Variants in CSMD1 observed in about 807,000 individuals in gnomAD.
The protein encoded by CSMD1 is CUB and sushi domain-containing protein 1.
Under a neutral mutation model 417.5 loss-of-function variants are expected in CSMD1, and 213 were observed. The observed-to-expected ratio is 0.51, with a 90% confidence interval of 0.46 to 0.57. The LOEUF (loss-of-function observed/expected upper bound fraction) is 0.57. CSMD1 is among the 20% of genes least tolerant of loss of function. The pLI is 0.00. For missense variants in CSMD1, 6,923 were observed against 4,529.7 expected (o/e 1.53, Z -15.17); for synonymous variants, 2,862 against 1,736.8 (o/e 1.65, Z -16.11).
intron 1 of CSMD1, among the ~76,000 whole-genome samples, chr8:4,865,265 C>T (rs1005790108): frequency 2.6e-5 from 4 of 151,710 alleles, no homozygotes; most frequent in African/African-American, 4.8e-5. Context: ...CTATGTTATT[C>T]ATCCTAAGAA....
chr8:4,912,172 A>G (rs1195470523), intron 1 of CSMD1, among the ~76,000 whole-genome samples: 1 of 151,600 alleles, frequency 6.6e-6, no homozygotes, highest in African/African-American at 2.4e-5. Flanking sequence ...ACGGAAAAGA[A>G]AAAGACAATG....
chr8:3,868,224 C>T (rs993341402), intron 5 of CSMD1, among the ~76,000 whole-genome samples: 16 of 118,794 alleles, frequency 1.3e-4, no homozygotes, highest in Admixed American at 1.2e-3. Context: ...AAACCCAGAA[C>T]GAGGATGGGG....
intron 2 of CSMD1, among the ~76,000 whole-genome samples, chr8:4,477,124 G>T (rs1267825933): frequency 1.3e-5 from 2 of 152,202 alleles, no homozygotes; most frequent in African/African-American, 4.8e-5. Flanking sequence ...TCTCTTAAGA[G>T]TCACAGTTTA....
chr8:3,233,453 T>C (rs1414911655), intron 26 of CSMD1, among the ~76,000 whole-genome samples: 2 of 152,206 alleles, frequency 1.3e-5, no homozygotes, highest in Non-Finnish European at 2.9e-5. Flanking sequence ...AGTATATTTA[T>C]TTTCTTTATA....
intron 53 of CSMD1, 48 bp from the exon 54 acceptor site, chr8:2,998,232 C>T (rs369945296): frequency 3.4e-5 from 54 of 1,577,996 alleles, no homozygotes; most frequent in Non-Finnish European, 4.2e-5. Context: ...AACAGGTCAT[C>T]ACTTTCCCTT....
At chr8:4,493,715 C>G (rs1801839530) in intron 2 of CSMD1, among the ~76,000 whole-genome samples, 1 of 151,928 alleles carries the variant, frequency 6.6e-6, no homozygotes, top group Non-Finnish European at 1.5e-5. Context: ...CTTAAAATAT[C>G]AAAAACAAAA....
chr8:4,571,676 A>G (rs1798900815), intron 2 of CSMD1, among the ~76,000 whole-genome samples: 2 of 152,106 alleles, frequency 1.3e-5, no homozygotes, highest in South Asian at 4.1e-4. Flanking sequence ...CAAGTCCTGA[A>G]TATCTTTGTT....
intron 3 of CSMD1, among the ~76,000 whole-genome samples, chr8:4,263,241 A>G (rs967899719): frequency 2.0e-5 from 3 of 152,114 alleles, no homozygotes; most frequent in African/African-American, 7.2e-5. Context: ...GTAATGATCT[A>G]AAAAAATCTG....
chr8:3,276,603 G>C (rs1056624868), intron 26 of CSMD1, among the ~76,000 whole-genome samples: 6 of 152,204 alleles, frequency 3.9e-5, no homozygotes, highest in African/African-American at 1.4e-4. Context: ...TGGGAATTGT[G>C]GGAGCTACAA....
At chr8:3,821,525 G>A (rs1338681085) in intron 5 of CSMD1, among the ~76,000 whole-genome samples, 2 of 152,212 alleles carry the variant, frequency 1.3e-5, no homozygotes, top group Middle Eastern at 3.4e-3. Context: ...GCTCACGCCT[G>A]TAATCCCAGC....
intron 3 of CSMD1, among the ~76,000 whole-genome samples, chr8:4,368,024 C>T (rs928281809): frequency 4.6e-5 from 7 of 152,068 alleles, no homozygotes; most frequent in African/African-American, 1.7e-4. Context: ...TGGCTGATTG[C>T]TCTGGCTAGA....
At chr8:3,463,165 A>C (rs910888889) in intron 12 of CSMD1, among the ~76,000 whole-genome samples, 2 of 152,148 alleles carry the variant, frequency 1.3e-5, no homozygotes, top group African/African-American at 4.8e-5. Context: ...GAATGAACTA[A>C]CTGTGCACCT....
intron 5 of CSMD1, among the ~76,000 whole-genome samples, chr8:3,878,149 A>T (rs985662232): frequency 1.6e-4 from 24 of 152,010 alleles, no homozygotes; most frequent in Admixed American, 6.6e-5. Context: ...TTGTCTTTGT[A>T]CATTTTTTGC....
chr8:4,768,715 A>C (rs1012813583), intron 1 of CSMD1, among the ~76,000 whole-genome samples: 3 of 152,182 alleles, frequency 2.0e-5, no homozygotes, highest in African/African-American at 7.2e-5. Flanking sequence ...GCACTGGAGC[A>C]CCAAACTCCC....
rs559915887 is a variant in CSMD1, at chr8:4,324,278, C to G, written c.415+95675G>C. 1.4e-4 allele frequency among the ~76,000 whole-genome samples: 22 copies of G among 152,348 alleles called. 1 individual carries two copies. In the South Asian group the frequency reaches 4.4e-3, roughly 30 times the overall value. On this transcript the variant is annotated intron_variant, in intron 3 of 69. Transcript: ENST00000635120. ...AGTTCTGAGACCTTTTCCTCTTCCT[C>G]ATCACTAACTGCGTATTCCATTAAC...
intron 3 of CSMD1, among the ~76,000 whole-genome samples, chr8:4,404,121 C>T (rs1052262400): frequency 1.2e-4 from 19 of 152,152 alleles, no homozygotes; most frequent in African/African-American, 4.1e-4. Flanking sequence ...CAGAATTCCA[C>T]GCGAGTGTTT....
At chr8:3,292,398 CGTT>C (rs1339952531) in intron 25 of CSMD1, among the ~76,000 whole-genome samples, 2 of 152,004 alleles carry the variant, frequency 1.3e-5, no homozygotes, top group Non-Finnish European at 2.9e-5. Flanking sequence ...CTTTCTGTCT[CGTT>C]GATCTGTCTA....
intron 1 of CSMD1, among the ~76,000 whole-genome samples, chr8:4,817,137 T>C (rs959446563): frequency 6.6e-6 from 1 of 152,202 alleles, no homozygotes; most frequent in Non-Finnish European, 1.5e-5. Flanking sequence ...ATACATATCA[T>C]AATATTTACA....
intron 8 of CSMD1, among the ~76,000 whole-genome samples, chr8:3,608,866 G>C (rs774061841): frequency 6.6e-6 from 1 of 152,068 alleles, no homozygotes; most frequent in Non-Finnish European, 1.5e-5. Context: ...CCCTTGCAGT[G>C]ATCAATTAAA....
Sources: allele counts gnomAD v4.1 joint callset (sites outside exome capture counted in the v4.1 genomes callset), GRCh38; gene constraint gnomAD v4.1.1; transcripts MANE v1.5; gene names NCBI Gene and HGNC (gene_info 2026-07-23, HGNC 2026-07-21).